The following ANKRD34B variants were observed in gnomAD, a reference collection of about 807,000 sequenced individuals.
ANKRD34B encodes ankyrin repeat domain 34B.
ANKRD34B carries 2 observed loss-of-function variants against 4.4 expected under a neutral mutation model. The observed-to-expected ratio is 0.46, with a 90% CI of 0.19 to 1.44. The LOEUF is 1.44. ANKRD34B is among the 40% of genes most tolerant of loss of function. ANKRD34B has a pLI of 0.26. For synonymous variants in ANKRD34B, 226 were observed against 227.1 expected (o/e 0.99, Z 0.05); for missense variants, 558 against 604.7 (o/e 0.92, Z 0.81).
rs146033419 is a variant in ANKRD34B at position 80,557,258 on chromosome 5, T to A, written c.*1217A>T. ...TTATATAGATGATATAATTATTACT[T>A]TATAATATTTTATAATACTAATATG... On this transcript the variant is annotated 3_prime_UTR_variant, in exon 5 of 5. Transcript: ENST00000338682. The A allele has an allele frequency of 2.0e-5, 3 of 152,046 alleles. No individual in the cohort carries two copies. The highest frequency in any genetic ancestry group is 7.2e-5 in the African/African-American group (3 of 41,558). 9.4% of individuals were successfully genotyped at this position (152,046 alleles called of 1,614,324 possible).
rs150879351 is a variant in ANKRD34B at position 80,559,527 on chromosome 5, G to T, written c.493C>A (p.Gln165Lys). 4.2e-5 allele frequency: 68 copies of T among 1,614,086 alleles called. No homozygotes were observed. Among genetic ancestry groups the T allele is most frequent in the Non-Finnish European group, 5.6e-5 (66 of 1,180,048 alleles). ...TCCACAGGAGGCATATTTAAGTATT[G>T]TTTAGTAGTATGCTTCCCACAGGGC... ...KLPCGKHTTK[Q>K]YLNMPPVDID... Residue 165 changes from glutamine (Q) to lysine (K), a missense_variant, in exon 5 of 5, where the codon CAA becomes AAA. Coordinates refer to ENST00000338682, the MANE Select transcript of ANKRD34B (RefSeq NM_001004441.3).
chr5:80,566,223 C>A (rs559340697), intron 3 of ANKRD34B, among the ~76,000 whole-genome samples: 1 of 152,130 alleles, frequency 6.6e-6, no homozygotes, highest in Non-Finnish European at 1.5e-5. Flanking sequence ...AGGACATAGA[C>A]CCAGGGAGGC....
At chr5:80,561,679 AAAAGGGG>A in intron 4 of ANKRD34B, among the ~76,000 whole-genome samples, 1 of 152,288 alleles carries the variant, frequency 6.6e-6, no homozygotes, top group Middle Eastern at 3.4e-3. Flanking sequence ...CCTGGGGACC[AAAAGGGG>A]CTTCACAGAA....
At chr5:80,569,919 T>G (rs1746707304) in intron 1 of ANKRD34B, among the ~76,000 whole-genome samples, 2 of 152,258 alleles carry the variant, frequency 1.3e-5, no homozygotes, top group Non-Finnish European at 2.9e-5. Context: ...GGGAGGCCCC[T>G]GCAGCCCGGC....
Position 80,558,950 on chromosome 5 carries a change from C to G in ANKRD34B, c.1070G>C (p.Ser357Thr). 6.2e-7 allele frequency: 1 copy of G among 1,614,132 alleles called. No homozygotes were observed. The highest frequency in any genetic ancestry group is 1.1e-5 in the South Asian group (1 of 91,082). ...CCCCAAGTTTCTTTTTTGAACTATA[C>G]TTCTTAAGGTGGAAGCAAATATTGT... is the stretch of plus-strand genomic sequence containing the variant. ...NQTIFASTLR[S>T]IVQKRNLGAN... Residue 357 changes from serine (S) to threonine (T), a missense_variant, in exon 5 of 5, where the codon AGT becomes ACT. Physicochemically the swap from Ser to Thr is moderately conservative, Grantham distance 58. Coordinates refer to ENST00000338682, the MANE Select transcript of ANKRD34B (RefSeq NM_001004441.3).
At chr5:80,561,174 T>C (rs1222053964) in intron 4 of ANKRD34B, among the ~76,000 whole-genome samples, 1 of 152,190 alleles carries the variant, frequency 6.6e-6, no homozygotes, top group Non-Finnish European at 1.5e-5. Flanking sequence ...TTAAATATTT[T>C]AGATTTAGAT....
chr5:80,560,429 G>A (rs1389159290), intron 4 of ANKRD34B, among the ~76,000 whole-genome samples: 2 of 152,140 alleles, frequency 1.3e-5, no homozygotes, highest in African/African-American at 4.8e-5. Flanking sequence ...GTTGAAGCAG[G>A]AGGATTACTT....
chr5:80,569,257 A>C (rs1356836824), intron 1 of ANKRD34B, 150 bp from the exon 2 acceptor site: 1 of 152,326 alleles, frequency 6.6e-6, no homozygotes, highest in Admixed American at 6.5e-5. Context: ...GGTTCTGCCC[A>C]CAGCCGCTGC....
rs1006853613 is a variant in ANKRD34B, at chr5:80,557,074, T to A, written c.*1401A>T. ...TATCAAATTACCAAGAAAAGCATCA[T>A]GCCAATTGTTAGGATCACCTCTACT... On this transcript the variant is annotated 3_prime_UTR_variant, in exon 5 of 5. Transcript: ENST00000338682. 4 of 152,586 alleles carry A rather than the reference T, an allele frequency of 2.6e-5. No homozygotes were observed. The highest frequency in any genetic ancestry group is 9.7e-5 in the African/African-American group (4 of 41,450). The allele number at this position is 152,586 out of a possible 1,614,324, so 9.5% of individuals were successfully genotyped here. A position where few individuals can be genotyped will look rare whatever the true frequency, so the allele number is the denominator to read the frequency against.
intron 1 of ANKRD34B, 32 bp downstream of exon 1, chr5:80,570,122 T>G (rs1746715170): frequency 6.6e-6 from 1 of 152,430 alleles, no homozygotes; most frequent in Non-Finnish European, 1.5e-5. Flanking sequence ...GTTTCCCAAG[T>G]GCAGCCGGCA....
Position 80,558,584 on chromosome 5 carries a change from A to G in ANKRD34B, c.1436T>C (p.Val479Ala). 2 of 1,614,120 alleles carry G rather than the reference A, an allele frequency of 1.2e-6. No individual in the cohort carries two copies. The highest frequency in any genetic ancestry group is 1.7e-6 in the Non-Finnish European group (2 of 1,179,962). ...ICSLLSCGQK[V>A]LMPTVPIFPK... ...GAAAATCGGAACTGTTGGCATAAGCACTTTTTGACCACAAGAAAGAAGGCT... is the reference window on the plus strand; with the variant it reads ...GAAAATCGGAACTGTTGGCATAAGCGCTTTTTGACCACAAGAAAGAAGGCT... The change falls in exon 5 of 5, where the codon GTG becomes GCG. Residue 479 changes from valine to alanine, a missense_variant. Physicochemically the swap from Val to Ala is moderately conservative, Grantham distance 64. Coordinates refer to ENST00000338682, the MANE Select transcript of ANKRD34B (RefSeq NM_001004441.3).
chr5:80,568,618 C>T (rs748626963), intron 2 of ANKRD34B, among the ~76,000 whole-genome samples: 1 of 152,118 alleles, frequency 6.6e-6, no homozygotes, highest in Non-Finnish European at 1.5e-5. Context: ...GTACCTCCTC[C>T]CACCCAAGGA....
chr5:80,558,280 A>C lies in ANKRD34B; in HGVS notation c.*195T>G, dbSNP rs1470298112. The stretch of plus-strand genomic sequence containing the variant: ...AATCGCTTTCCTTTTGTTTGAGAGA[A>C]TTCCCTTAACAGAAACTATGTATTA... On this transcript the variant is annotated 3_prime_UTR_variant, in exon 5 of 5. Coordinates refer to ENST00000338682, the MANE Select transcript of ANKRD34B (RefSeq NM_001004441.3). 1 of 428,654 alleles carries C rather than the reference A, an allele frequency of 2.3e-6. No individual in the cohort carries two copies. Among genetic ancestry groups the C allele is most frequent in the Admixed American group, 4.0e-5 (1 of 24,810 alleles). The allele number at this position is 428,654 out of a possible 1,614,324, so 26.6% of individuals were successfully genotyped here. A position where few individuals can be genotyped will look rare whatever the true frequency, so the allele number is the denominator to read the frequency against.
At position 80,559,566 on chromosome 5, in the gene ANKRD34B, T is replaced by C. The variant is rs751564051; in HGVS notation, c.454A>G (p.Thr152Ala). 4.3e-6 allele frequency: 7 copies of C among 1,610,956 alleles called. No homozygotes were observed. In the Admixed American group the frequency reaches 1.2e-4, roughly 27 times the overall value. ...KAKGKEVIII[T>A]TAKLPCGKHT... Reference sequence around the variant, plus strand: ...TTCCCACAGGGCAACTTTGCTGTTGTGATGATGATGACCTCTTTCCCTTTT... The same window carrying C: ...TTCCCACAGGGCAACTTTGCTGTTGCGATGATGATGACCTCTTTCCCTTTT... Residue 152 changes from threonine (T) to alanine (A), a missense_variant, in exon 5 of 5, where the codon ACA becomes GCA. Thr to Ala is a moderately conservative substitution (Grantham distance 58). Transcript: ENST00000338682.
intron 4 of ANKRD34B, 108 bp downstream of exon 4, chr5:80,563,627 G>A (rs1042815543): frequency 1.3e-5 from 2 of 152,242 alleles, no homozygotes; most frequent in Non-Finnish European, 2.9e-5. Flanking sequence ...ATGATGCAAA[G>A]CAAAGAACTA....
Position 80,557,552 on chromosome 5 carries a change from T to G in ANKRD34B, c.*923A>C, listed in dbSNP as rs1283479674. The G allele has an allele frequency of 6.6e-6, 1 of 152,100 alleles. No homozygotes were observed. Among genetic ancestry groups the G allele is most frequent in the African/African-American group, 2.4e-5 (1 of 41,438 alleles). 9.4% of individuals were successfully genotyped at this position (152,100 alleles called of 1,614,324 possible). A position where few individuals can be genotyped will look rare whatever the true frequency, so the allele number is the denominator to read the frequency against. On this transcript the variant is annotated 3_prime_UTR_variant, in exon 5 of 5. Coordinates refer to ENST00000338682, the MANE Select transcript of ANKRD34B (RefSeq NM_001004441.3). ...AGTTTTTATCCATGATGAATTTTTT[T>G]TTTTTGGTTCTTTTTGAAAGACAAG... is the stretch of plus-strand genomic sequence containing the variant.
chr5:80,562,052 CGT>C (rs56934964), intron 4 of ANKRD34B, among the ~76,000 whole-genome samples: 13,686 of 127,682 alleles, frequency 0.11, 648 homozygotes, highest in African/African-American at 0.13. Flanking sequence ...ACTGACTCAG[CGT>C]GTGTGTGTGT....
rs1022558056 is a variant in ANKRD34B at position 80,564,617 on chromosome 5, G to A, written c.-104-802C>T. On this transcript the variant is annotated intron_variant, in intron 3 of 4. Transcript: ENST00000338682. ...AGGCAGACCCTCTCCTCTGAGGACTGGGGGAGTGTCCAGCAAAACCAGCCC... is the reference window on the plus strand; with the variant it reads ...AGGCAGACCCTCTCCTCTGAGGACTAGGGGAGTGTCCAGCAAAACCAGCCC... 7 of 152,100 alleles carry A rather than the reference G, an allele frequency of 4.6e-5. 1 individual carries two copies. The highest frequency in any genetic ancestry group is 1.7e-4 in the African/African-American group (7 of 41,392). The allele number at this position is 152,100 out of a possible 1,614,324, so 9.4% of individuals were successfully genotyped here.
Position 80,564,702 on chromosome 5 carries a change from CT to C in ANKRD34B, c.-104-888del, listed in dbSNP as rs34992073. On this transcript the variant is annotated intron_variant, in intron 3 of 4. Transcript: ENST00000338682. ...TTAAAGCCACTTTGTTTGCTCACTT[CT>C]TTTTTTTTTTTTTTTTTTTGAGATG... 2.7e-3 allele frequency among the ~76,000 whole-genome samples: 296 copies of C among 111,522 alleles called. 1 individual carries two copies. The highest frequency in any genetic ancestry group is 8.9e-3 in the African/African-American group (259 of 29,036). The allele number at this position is 111,522 out of a possible 152,430, so 73.2% of individuals were successfully genotyped here. A position where few individuals can be genotyped will look rare whatever the true frequency, so the allele number is the denominator to read the frequency against.
Sources: allele counts gnomAD v4.1 joint callset (sites outside exome capture counted in the v4.1 genomes callset), GRCh38; gene constraint gnomAD v4.1.1; transcripts MANE v1.5; gene names NCBI Gene and HGNC (gene_info 2026-07-23, HGNC 2026-07-21).